Variants in ROBO1 observed in about 807,000 individuals in gnomAD.
The protein encoded by ROBO1 is roundabout guidance receptor 1.
A neutral mutation model predicts 195.9 loss-of-function variants in ROBO1; 149 were observed. That is an observed-to-expected ratio of 0.76 (90% CI 0.67 to 0.87). The LOEUF (loss-of-function observed/expected upper bound fraction) is 0.87, where lower values mean the gene tolerates loss of function less well. ROBO1 is among the 40% of genes least tolerant of loss of function. The pLI, the probability that ROBO1 is intolerant of heterozygous loss-of-function variation, is 0.00. For missense variants in ROBO1, 1,933 were observed against 2,068.3 expected, an observed-to-expected ratio of 0.93 and a Z score of 1.27; for synonymous variants, 816 against 733.2, an observed-to-expected ratio of 1.11 and a Z score of -1.82.
At chr3:79,464,307 A>G (rs4634076) in intron 2 of ROBO1, among the ~76,000 whole-genome samples, 3,386 of 152,342 alleles carry the variant, frequency 0.022, 126 homozygotes, top group African/African-American at 0.076. Context: ...TTACTGGGTC[A>G]CATGGCAACT....
At chr3:78,885,534 G>C (rs892939240) in intron 4 of ROBO1, among the ~76,000 whole-genome samples, 17 of 148,060 alleles carry the variant, frequency 1.1e-4, no homozygotes, top group Middle Eastern at 3.4e-3. Flanking sequence ...AGCCAAAGTA[G>C]TTATATTGGT....
intron 1 of ROBO1, among the ~76,000 whole-genome samples, chr3:79,678,758 G>T (rs907676987): frequency 1.3e-5 from 2 of 152,046 alleles, no homozygotes; most frequent in African/African-American, 4.8e-5. Flanking sequence ...CCACAAAGGA[G>T]CACGGATTGC....
intron 4 of ROBO1, among the ~76,000 whole-genome samples, chr3:78,929,650 G>C (rs2039402997): frequency 6.6e-6 from 1 of 151,662 alleles, no homozygotes; most frequent in Non-Finnish European, 1.5e-5. Context: ...TTACAGGCAT[G>C]CACCACCACG....
intron 1 of ROBO1, among the ~76,000 whole-genome samples, chr3:79,659,026 C>T (rs1448837059): frequency 6.6e-6 from 1 of 152,002 alleles, no homozygotes; most frequent in Non-Finnish European, 1.5e-5. Flanking sequence ...TGAGCCACTG[C>T]ACCCGGCCCT....
At chr3:79,452,965 G>A (rs187606272) in intron 2 of ROBO1, among the ~76,000 whole-genome samples, 22 of 152,118 alleles carry the variant, frequency 1.4e-4, no homozygotes, top group African/African-American at 5.3e-4. Flanking sequence ...AGAGGAACAA[G>A]AGAGTAACAG....
intron 4 of ROBO1, among the ~76,000 whole-genome samples, chr3:78,906,446 G>A (rs1203937929): frequency 6.6e-6 from 1 of 152,076 alleles, no homozygotes; most frequent in Non-Finnish European, 1.5e-5. Flanking sequence ...GCCCAGTTAA[G>A]TAAACATGTC....
intron 3 of ROBO1, among the ~76,000 whole-genome samples, chr3:78,950,553 C>T (rs1175315355): frequency 1.3e-5 from 2 of 150,088 alleles, no homozygotes. Flanking sequence ...AGGAGATATA[C>T]CTATTGCTAA....
chr3:79,134,961 C>T (rs933010646), intron 2 of ROBO1, among the ~76,000 whole-genome samples: 3 of 140,686 alleles, frequency 2.1e-5, no homozygotes, highest in African/African-American at 5.4e-5. Context: ...GTGGGTGCAG[C>T]GCACCAGCAT....
chr3:78,850,234 G>C (rs934468412), intron 4 of ROBO1, among the ~76,000 whole-genome samples: 1 of 152,104 alleles, frequency 6.6e-6, no homozygotes, highest in African/African-American at 2.4e-5. Context: ...TTACCCCTCT[G>C]GGATGGCATT....
intron 2 of ROBO1, among the ~76,000 whole-genome samples, chr3:79,281,509 G>C (rs1473894898): frequency 6.6e-6 from 1 of 152,004 alleles, no homozygotes; most frequent in Non-Finnish European, 1.5e-5. Context: ...AGCTTGAAAA[G>C]AATAAACATT....
chr3:79,290,752 A>C (rs985630768), intron 2 of ROBO1, among the ~76,000 whole-genome samples: 2 of 152,108 alleles, frequency 1.3e-5, no homozygotes, highest in Non-Finnish European at 2.9e-5. Flanking sequence ...TATGGTCCAC[A>C]TTCTTTTTGT....
chr3:79,246,041 C>A (rs578189942), intron 2 of ROBO1, among the ~76,000 whole-genome samples: 3 of 152,116 alleles, frequency 2.0e-5, no homozygotes, highest in African/African-American at 7.2e-5. Context: ...CTCTCTGGTA[C>A]CAGATATTTA....
rs936494552 is a variant in ROBO1 at position 79,658,897 on chromosome 3, C to T, written c.-50-68936G>A. Among the ~76,000 whole-genome samples, 9 of 151,696 alleles carry T rather than the reference C, an allele frequency of 5.9e-5. No homozygotes were observed. In the East Asian group the frequency reaches 9.7e-4, roughly 16 times the overall value. On this transcript the variant is annotated intron_variant, in intron 1 of 30. Transcript: ENST00000464233. ...GATTACAGTCATGTGCCAGCATGTCCGGCTAATTTTTGTATTTTTAGTAGA... is the reference window on the plus strand; with the variant it reads ...GATTACAGTCATGTGCCAGCATGTCTGGCTAATTTTTGTATTTTTAGTAGA...
rs186175566 is a variant in ROBO1 at position 79,611,526 on chromosome 3, G to A, written c.-50-21565C>T. Among the ~76,000 whole-genome samples the A allele has an allele frequency of 8.5e-5, 13 of 152,202 alleles. No homozygotes were observed. The East Asian group carries it at 1.4e-3, about 16-fold the overall frequency. ...TGATAGACTGGATAAAGAAAATGTG[G>A]CACATATACACTATGGAATACTATG... On this transcript the variant is annotated intron_variant, in intron 1 of 30. Coordinates refer to ENST00000464233, the MANE Select transcript of ROBO1 (RefSeq NM_002941.4).
At chr3:78,950,692 A>T (rs531535247) in intron 3 of ROBO1, among the ~76,000 whole-genome samples, 120 of 121,792 alleles carry the variant, frequency 9.9e-4, no homozygotes, top group African/African-American at 5.7e-3. Context: ...TATTAAATTA[A>T]AAAAAAAAAC....
At chr3:79,050,674 G>T (rs2078679488) in intron 3 of ROBO1, among the ~76,000 whole-genome samples, 2 of 152,230 alleles carry the variant, frequency 1.3e-5, no homozygotes, top group Admixed American at 1.3e-4. Flanking sequence ...ACACTCCTCA[G>T]CAATTGTAAA....
At chr3:79,080,709 C>G (rs575450370) in intron 3 of ROBO1, among the ~76,000 whole-genome samples, 2 of 152,152 alleles carry the variant, frequency 1.3e-5, no homozygotes, top group East Asian at 3.9e-4. Flanking sequence ...CATGGCCGCT[C>G]TAATTCATGC....
chr3:78,771,053 T>A (rs554368853), intron 4 of ROBO1, among the ~76,000 whole-genome samples: 4 of 151,774 alleles, frequency 2.6e-5, no homozygotes, highest in Admixed American at 1.3e-4. Flanking sequence ...GGTGACAGAA[T>A]AAGACCCCAT....
chr3:79,325,120 A>T lies in ROBO1; in HGVS notation c.89-199581T>A, dbSNP rs149070362. Among the ~76,000 whole-genome samples the T allele has an allele frequency of 3.0e-3, 450 of 152,328 alleles. 1 individual carries two copies. The highest frequency in any genetic ancestry group is 0.01 in the African/African-American group (430 of 41,568). ...ATATATTGGTGTAAATTCTATAAAC[A>T]CTGAATCATAGTTATAAAGTTAGTA... On this transcript the variant is annotated intron_variant, in intron 2 of 30. Coordinates refer to ENST00000464233, the MANE Select transcript of ROBO1 (RefSeq NM_002941.4).
Sources: gnomAD v4.1 joint callset for allele counts (sites outside exome capture counted in the v4.1 genomes callset) on GRCh38, gnomAD v4.1.1 for gene constraint, MANE v1.5 for transcripts, NCBI Gene and HGNC (gene_info 2026-07-23, HGNC 2026-07-21) for gene names.